The following MEIS2 variants were observed in gnomAD, a reference collection of about 807,000 sequenced individuals.
The protein encoded by MEIS2 is Meis homeobox 2, also known as homeobox protein Meis2.
In MEIS2, 9 loss-of-function variants were observed where a neutral mutation model predicts 58.6. The ratio of observed to expected loss-of-function variants is 0.15; its 90% CI spans 0.09 to 0.27. MEIS2 has a LOEUF of 0.27. Among genes scored for constraint, MEIS2 ranks in the 10% least tolerant of loss-of-function variants. The pLI is 1.00. For synonymous variants in MEIS2, 221 were observed against 228.4 expected (o/e 0.97, Z 0.29); for missense variants, 427 against 635.0 (o/e 0.67, Z 3.52).
intron 5 of MEIS2, chr15:37,093,964 A>C (rs983780541): frequency 4.0e-6 from 2 of 498,096 alleles, no homozygotes; most frequent in Admixed American, 3.3e-5. Context: ...AACAAGTTAC[A>C]ATAGAGAGAG....
At chr15:37,072,917 T>G (rs1306566792) in intron 7 of MEIS2, among the ~76,000 whole-genome samples, 2 of 152,086 alleles carry the variant, frequency 1.3e-5, no homozygotes, top group Non-Finnish European at 2.9e-5. Flanking sequence ...CTCCCTCTTC[T>G]GAAATACCTT....
At chr15:36,983,636 G>A (rs1217976291) in intron 8 of MEIS2, among the ~76,000 whole-genome samples, 2 of 151,842 alleles carry the variant, frequency 1.3e-5, no homozygotes, top group South Asian at 2.1e-4. Context: ...GGAATCTTTT[G>A]TGGTACCATA....
chr15:37,095,168 C>G (rs1894061278), intron 4 of MEIS2: 1 of 201,104 alleles, frequency 5.0e-6, no homozygotes, highest in Non-Finnish European at 1.0e-5. Context: ...CACCGCCCCC[C>G]AGCCCCCACC....
chr15:36,895,332 C>T lies in MEIS2; in HGVS notation c.1037-71G>A, dbSNP rs1223300770. The T allele has an allele frequency of 5.3e-6, 7 of 1,309,572 alleles. No individual in the cohort carries two copies. In the East Asian group the frequency reaches 7.0e-5, roughly 13 times the overall value. 81.1% of individuals were successfully genotyped at this position (1,309,572 alleles called of 1,614,324 possible). On this transcript the variant is annotated intron_variant, in intron 10 of 11. Coordinates refer to ENST00000561208, the MANE Select transcript of MEIS2 (RefSeq NM_170675.5). ...ATACCAAACAATCAGCAATTGTTCC[C>T]GCTGCAGCACTGAAACGTTATAGCA...
chr15:36,898,362 A>C (rs769327839), intron 9 of MEIS2: 2 of 152,222 alleles, frequency 1.3e-5, no homozygotes, highest in Non-Finnish European at 2.9e-5. Flanking sequence ...TTATCAGCTC[A>C]CCTTGAAACC....
intron 9 of MEIS2, among the ~76,000 whole-genome samples, chr15:36,944,851 C>G (rs919371659): frequency 6.6e-6 from 1 of 152,018 alleles, no homozygotes; most frequent in African/African-American, 2.4e-5. Context: ...TCGACCCCAC[C>G]TCCCTGGTTT....
At chr15:37,014,845 GT>G (rs35727022) in intron 8 of MEIS2, among the ~76,000 whole-genome samples, 130,951 of 140,100 alleles carry the variant, frequency 0.93, 61,446 homozygotes, top group South Asian at 0.99. Flanking sequence ...AGGTCTAAGG[GT>G]TTTTTTTTTT....
chr15:36,925,890 G>A (rs1327886395), intron 9 of MEIS2, among the ~76,000 whole-genome samples: 5 of 152,160 alleles, frequency 3.3e-5, no homozygotes, highest in African/African-American at 4.8e-5. Context: ...TTGGTTTAAT[G>A]ACAAAGTAAT....
At chr15:37,099,300 G>A in intron 1 of MEIS2, 155 bp downstream of exon 1, 2 of 1,510,872 alleles carry the variant, frequency 1.3e-6, no homozygotes, top group Non-Finnish European at 1.8e-6. Context: ...GGGAGGGAAA[G>A]AAGCCGATGA....
At chr15:37,043,690 T>C (rs1022404928) in intron 7 of MEIS2, among the ~76,000 whole-genome samples, 19 of 144,448 alleles carry the variant, frequency 1.3e-4, no homozygotes, top group African/African-American at 4.8e-4. Flanking sequence ...CTTTTTTTTT[T>C]TTTTTTTTTT....
intron 9 of MEIS2, among the ~76,000 whole-genome samples, chr15:36,949,282 T>G: frequency 6.6e-6 from 1 of 150,714 alleles, no homozygotes; most frequent in Admixed American, 6.6e-5. Flanking sequence ...CCTAGAAAAA[T>G]GAGAAAAAAA....
At chr15:36,996,054 TATA>T (rs1472657319) in intron 8 of MEIS2, among the ~76,000 whole-genome samples, 1 of 106,176 alleles carries the variant, frequency 9.4e-6, no homozygotes, top group East Asian at 3.3e-4. Flanking sequence ...CACATATATA[TATA>T]CACACACATA....
At chr15:36,933,104 G>T (rs12323967) in intron 9 of MEIS2, among the ~76,000 whole-genome samples, 2,410 of 152,150 alleles carry the variant, frequency 0.016, 63 homozygotes, top group African/African-American at 0.055. Flanking sequence ...GAGAGGGGCG[G>T]GATAGTCTGT....
chr15:37,075,571 A>C (rs1279702796), intron 7 of MEIS2, among the ~76,000 whole-genome samples: 1 of 152,142 alleles, frequency 6.6e-6, no homozygotes, highest in East Asian at 1.9e-4. Flanking sequence ...TACATCTTAA[A>C]AAAGGAAAAA....
At chr15:37,061,631 A>C (rs1371129517) in intron 7 of MEIS2, among the ~76,000 whole-genome samples, 1 of 152,110 alleles carries the variant, frequency 6.6e-6, no homozygotes, top group Non-Finnish European at 1.5e-5. Context: ...GCTAGCATAA[A>C]ATCTTTCAAT....
At chr15:36,908,746 C>T (rs2056861111) in intron 9 of MEIS2, among the ~76,000 whole-genome samples, 1 of 152,062 alleles carries the variant, frequency 6.6e-6, no homozygotes, top group African/African-American at 2.4e-5. Context: ...ACCAGCCTGA[C>T]CAACGTGGAG....
At chr15:36,971,553 A>AAAAAAG (rs2059569123) in intron 8 of MEIS2, among the ~76,000 whole-genome samples, 3 of 131,994 alleles carry the variant, frequency 2.3e-5, no homozygotes, top group East Asian at 2.6e-4. Context: ...AAAAAAAAAA[A>AAAAAAG]AAAAAAAAAA....
intron 8 of MEIS2, among the ~76,000 whole-genome samples, chr15:36,975,922 G>T (rs910425243): frequency 1.3e-5 from 2 of 152,068 alleles, no homozygotes; most frequent in African/African-American, 4.8e-5. Context: ...TAATTGGTGG[G>T]TTTAGCCATT....
chr15:36,956,790 C>A (rs2058992229), intron 8 of MEIS2, among the ~76,000 whole-genome samples: 1 of 150,930 alleles, frequency 6.6e-6, no homozygotes, highest in Non-Finnish European at 1.5e-5. Context: ...GTCACTTCAG[C>A]CAATAAATTA....
Sources: allele counts gnomAD v4.1 joint callset (sites outside exome capture counted in the v4.1 genomes callset), GRCh38; gene constraint gnomAD v4.1.1; transcripts MANE v1.5; gene names NCBI Gene and HGNC (gene_info 2026-07-23, HGNC 2026-07-21).